Variants in CPSF4 observed in about 807,000 individuals in gnomAD.
The protein encoded by CPSF4 is cleavage and polyadenylation specificity factor subunit 4.
CPSF4 carries 11 observed loss-of-function variants against 37.7 expected under a neutral mutation model. The ratio of observed to expected loss-of-function variants is 0.29; its 90% confidence interval spans 0.18 to 0.48. The LOEUF (loss-of-function observed/expected upper bound fraction) is 0.48, where lower values mean the gene tolerates loss of function less well. Among genes scored for constraint, CPSF4 ranks in the 20% least tolerant of loss-of-function variants. The pLI is 0.99. For synonymous variants in CPSF4, 132 were observed against 135.9 expected, an observed-to-expected ratio of 0.97 and a Z score of 0.20; for missense variants, 144 against 359.5, an observed-to-expected ratio of 0.40 and a Z score of 4.85.
chr7:99,440,512 C>T (rs1340625936), intron 1 of CPSF4, among the ~76,000 whole-genome samples: 1 of 151,394 alleles, frequency 6.6e-6, no homozygotes, highest in Non-Finnish European at 1.5e-5. Context: ...ACACGCCTGG[C>T]AAATTTTTTT....
At chr7:99,445,237 G>A (rs1015769503) in intron 2 of CPSF4, among the ~76,000 whole-genome samples, 2 of 151,932 alleles carry the variant, frequency 1.3e-5, no homozygotes, top group Non-Finnish European at 2.9e-5. Flanking sequence ...GCCTCCCATC[G>A]AAACACCCCA....
chr7:99,450,431 G>T, intron 4 of CPSF4, 60 bp downstream of exon 4: 1 of 1,214,690 alleles, frequency 8.2e-7, no homozygotes, highest in Non-Finnish European at 1.2e-6. Flanking sequence ...CTCTGCCCAC[G>T]ACCCTGGAGG....
chr7:99,449,870 G>A (rs1334275170), intron 3 of CPSF4, among the ~76,000 whole-genome samples: 1 of 152,136 alleles, frequency 6.6e-6, no homozygotes, highest in East Asian at 1.9e-4. Flanking sequence ...CCTGCGGAGG[G>A]GCCTGGGGAA....
intron 1 of CPSF4, chr7:99,441,279 T>C: frequency 2.5e-6 from 1 of 401,312 alleles, no homozygotes; most frequent in Non-Finnish European, 5.0e-6. Context: ...TGGCACTAGC[T>C]TGAGACCATG....
chr7:99,440,999 G>A (rs1443599782), intron 1 of CPSF4, among the ~76,000 whole-genome samples: 1 of 141,024 alleles, frequency 7.1e-6, no homozygotes, highest in Non-Finnish European at 1.5e-5. Flanking sequence ...CACCCAGGCT[G>A]GAGTGCAATG....
rs373786651 is a variant in CPSF4, at chr7:99,448,324, G to T, written c.307+51G>T. ...TCTGCTGAGAACCAGGGTGCAGAGG[G>T]GTCCGCTGGCTGCTCAGTGCCCACA... is the stretch of plus-strand genomic sequence containing the variant. On this transcript the variant is annotated intron_variant, in intron 3 of 7. Transcript: ENST00000292476. This position sits in a 1 kb window ranked among gnomAD's most constrained non-coding sequence, Gnocchi z 4.4. 10 of 1,594,328 alleles carry T rather than the reference G, an allele frequency of 6.3e-6. No homozygotes were observed. In the Middle Eastern group the frequency reaches 8.4e-4, roughly 134 times the overall value.
chr7:99,450,331 C>G lies in CPSF4; in HGVS notation c.363C>G (p.Ile121Met), dbSNP rs367947029. Residue 121 changes from isoleucine to methionine, a missense_variant, in exon 4 of 8, where the codon ATC (isoleucine) becomes ATG (methionine). Physicochemically the swap from Ile to Met is conservative, Grantham distance 10 (BLOSUM62 1). Around this residue, in one of 4 missense-constraint regions of CPSF4, gnomAD observed 12 missense variants for 100.9 expected, o/e 0.12. Coordinates refer to ENST00000292476, the MANE Select transcript of CPSF4 (RefSeq NM_006693.4). ...PFLHIDPESKIKDCPWYDRGF... is the reference protein window; with the variant it reads ...PFLHIDPESKMKDCPWYDRGF... The stretch of plus-strand genomic sequence containing the variant: ...TGCACATCGACCCCGAGTCCAAGAT[C>G]AAGGACTGTCCTTGGTATGACCGTG... The G allele has an allele frequency of 6.2e-7, 1 of 1,613,852 alleles. No individual in the cohort carries two copies.
chr7:99,450,659 T>G (rs1797865960), intron 4 of CPSF4, 43 bp from the exon 5 acceptor site: 1 of 1,459,678 alleles, frequency 6.9e-7, no homozygotes. Flanking sequence ...GCTCTCTAAC[T>G]GGTAGAGGGG....
intron 1 of CPSF4, chr7:99,443,322 G>A: frequency 1.1e-6 from 1 of 926,206 alleles, no homozygotes; most frequent in South Asian, 1.3e-5. Context: ...TTCTTCTTCT[G>A]TTTCATCTCC....
rs1156388095 is a variant in CPSF4, at chr7:99,439,005, G to C, written c.-78G>C. On this transcript the variant is annotated 5_prime_UTR_variant, in exon 1 of 8. Coordinates refer to ENST00000292476, the MANE Select transcript of CPSF4 (RefSeq NM_006693.4). ...GAAGCGAAGGAGGAGTGTGTGCGGC[G>C]GGGCCGGCGGCGGGTAAAGGCGAGA... 1 of 1,429,352 alleles carries C rather than the reference G, an allele frequency of 7.0e-7. No individual in the cohort carries two copies. Among genetic ancestry groups the C allele is most frequent in the African/African-American group, 1.5e-5 (1 of 68,288 alleles). The allele number at this position is 1,429,352 out of a possible 1,614,324, so 88.5% of individuals were successfully genotyped here. A position where few individuals can be genotyped will look rare whatever the true frequency, so the allele number is the denominator to read the frequency against.
intron 1 of CPSF4, chr7:99,442,914 CTCT>C: frequency 1.4e-6 from 2 of 1,459,926 alleles, no homozygotes; most frequent in South Asian, 1.1e-5. Flanking sequence ...TGCTCTTTTC[CTCT>C]TCTTTGCCTC....
At chr7:99,454,180 G>A (rs374544029) in intron 7 of CPSF4, 44 bp downstream of exon 7, 11 of 1,530,602 alleles carry the variant, frequency 7.2e-6, no homozygotes, top group South Asian at 2.4e-5. Context: ...TTCCCTTACC[G>A]TCAGTGGCCA....
At chr7:99,442,148 G>A (rs778441954) in intron 1 of CPSF4, among the ~76,000 whole-genome samples, 2 of 152,182 alleles carry the variant, frequency 1.3e-5, no homozygotes, top group African/African-American at 4.8e-5. Flanking sequence ...GGGCTTCAGA[G>A]ATGCTGTCAT....
chr7:99,444,799 T>C lies in CPSF4; in HGVS notation c.114T>C (p.Ala38=), dbSNP rs747785959. 8 of 1,613,812 alleles carry C rather than the reference T, an allele frequency of 5.0e-6. No individual in the cohort carries two copies. The highest frequency in any genetic ancestry group is 2.2e-5 in the East Asian group (1 of 44,882). ...CTCTCCTTTCTACAGAGTCGGGCGC[T>C]GCTGTCTGTGAATTCTTTTTGAAAG... ...LPFPGMDKSG[A]AVCEFFLKAA... The change falls in exon 2 of 8, where the codon GCT becomes GCC. Residue 38 remains alanine, a synonymous_variant. Transcript: ENST00000292476.
intron 3 of CPSF4, among the ~76,000 whole-genome samples, chr7:99,449,617 G>T (rs1279169166): frequency 6.6e-6 from 1 of 152,260 alleles, no homozygotes; most frequent in Non-Finnish European, 1.5e-5. Flanking sequence ...ATGGTGAAGA[G>T]GTCCTTGCCC....
At position 99,448,441 on chromosome 7, in the gene CPSF4, G is replaced by T; in HGVS notation, c.307+168G>T. The T allele has an allele frequency of 5.1e-6, 3 of 582,602 alleles. No individual in the cohort carries two copies. The highest frequency in any genetic ancestry group is 5.0e-5 in the South Asian group (2 of 40,206). 36.1% of individuals were successfully genotyped at this position (582,602 alleles called of 1,614,324 possible). A position where few individuals can be genotyped will look rare whatever the true frequency, so the allele number is the denominator to read the frequency against. On this transcript the variant is annotated intron_variant, in intron 3 of 7. Transcript: ENST00000292476. This position sits in a 1 kb window ranked among gnomAD's most constrained non-coding sequence, Gnocchi z 4.4. ...CAGCCAGCTTTTAGGGGACAGTGTG[G>T]CTATTTTCTGCTCATCTCTTTTTTT... is the stretch of plus-strand genomic sequence containing the variant.
chr7:99,438,976 A>T lies in CPSF4; in HGVS notation c.-107A>T. 8.2e-7 allele frequency: 1 copy of T among 1,212,180 alleles called. No individual in the cohort carries two copies. 75.1% of individuals were successfully genotyped at this position (1,212,180 alleles called of 1,614,324 possible). ...TCGGGCGGCGGCGGCGGCGGCGGCG[A>T]GGCGAAGCGAAGGAGGAGTGTGTGC... On this transcript the variant is annotated 5_prime_UTR_variant, in exon 1 of 8. Coordinates refer to ENST00000292476, the MANE Select transcript of CPSF4 (RefSeq NM_006693.4).
chr7:99,456,259 C>T (rs1353639028), intron 7 of CPSF4, 173 bp from the exon 8 acceptor site: 4 of 642,692 alleles, frequency 6.2e-6, no homozygotes, highest in Non-Finnish European at 1.1e-5. Context: ...TCCTGAGCTC[C>T]CTCACCCTCT....
intron 1 of CPSF4, 173 bp downstream of exon 1, chr7:99,439,358 C>T (rs1194046156): frequency 2.3e-5 from 12 of 526,282 alleles, no homozygotes; most frequent in Non-Finnish European, 4.0e-5. Context: ...GAGAGTCCCT[C>T]CCACCTCCTC....
Sources: gnomAD v4.1 joint callset for allele counts (sites outside exome capture counted in the v4.1 genomes callset) on GRCh38, gnomAD v4.1.1 for gene constraint, gnomAD v4.1.1 regional missense constraint, Gnocchi (gnomAD v3.1) non-coding constraint, MANE v1.5 for transcripts, NCBI Gene and HGNC (gene_info 2026-07-23, HGNC 2026-07-21) for gene names.